HEATR4: variants seen among roughly 807,000 people sequenced by gnomAD.
The protein encoded by HEATR4 is HEAT repeat-containing protein 4.
HEATR4 carries 95 observed loss-of-function variants against 108.8 expected under a neutral mutation model. The ratio of observed to expected loss-of-function variants is 0.87; its 90% CI spans 0.74 to 1.04. The LOEUF (loss-of-function observed/expected upper bound fraction) is 1.04. Among genes scored for constraint, HEATR4 ranks in the 50% least tolerant of loss-of-function variants. HEATR4 has a pLI of 0.00. For missense variants in HEATR4, 1,152 were observed against 1,253.8 expected, an observed-to-expected ratio of 0.92 and a Z score of 1.23; for synonymous variants, 443 against 459.4, an observed-to-expected ratio of 0.96 and a Z score of 0.46.
the HEATR4 span, among the ~76,000 whole-genome samples, chr14:73,584,144 G>A: frequency 6.6e-6 from 1 of 151,866 alleles, no homozygotes; most frequent in Non-Finnish European, 1.5e-5. Context: ...AGAGCACAGA[G>A]CATGAGGGCA....
chr14:73,494,631 G>C (rs1467894487), intron 16 of HEATR4, among the ~76,000 whole-genome samples: 1 of 152,078 alleles, frequency 6.6e-6, no homozygotes, highest in Non-Finnish European at 1.5e-5. Flanking sequence ...GGTTACTGCA[G>C]CCTCAACCTC....
chr14:73,586,141 C>T, the HEATR4 span, among the ~76,000 whole-genome samples: 2 of 151,902 alleles, frequency 1.3e-5, no homozygotes, highest in Non-Finnish European at 2.9e-5. Flanking sequence ...GGCCTGTAAT[C>T]CCAGCACTTT....
the HEATR4 span, chr14:73,612,568 T>A: frequency 7.2e-7 from 1 of 1,383,994 alleles, no homozygotes; most frequent in Non-Finnish European, 9.4e-7. Context: ...CTACCCAGAT[T>A]GGGATGGCAG....
the HEATR4 span, among the ~76,000 whole-genome samples, chr14:73,596,846 G>T: frequency 6.6e-6 from 1 of 152,080 alleles, no homozygotes; most frequent in East Asian, 1.9e-4. Flanking sequence ...TGATCCACCT[G>T]CCTCGGTCTC....
chr14:73,606,374 C>CA, the HEATR4 span, among the ~76,000 whole-genome samples: 2 of 89,500 alleles, frequency 2.2e-5, no homozygotes, highest in African/African-American at 1.0e-4. Flanking sequence ...AACAAACAAA[C>CA]AAAACAAAAC....
Position 73,522,821 on chromosome 14 carries a change from G to T in HEATR4, c.332C>A (p.Ala111Asp), listed in dbSNP as rs375629269. ...GAAGCTAACAGGTTTCTGAGGCCGG[G>T]CCTTCCTGATCTGGGGAGTATGGAT... ...DIIHTPQIRK[A>D]RPQKPVSFKF... Residue 111 changes from alanine to aspartate, a missense_variant, in exon 3 of 18, where the codon GCC (alanine) becomes GAC (aspartate). Physicochemically the swap from Ala to Asp is moderately radical, Grantham distance 126. Transcript: ENST00000553558. 1 of 1,614,092 alleles carries T rather than the reference G, an allele frequency of 6.2e-7. No individual in the cohort carries two copies. The highest frequency in any genetic ancestry group is 1.7e-5 in the Admixed American group (1 of 60,004).
At chr14:73,568,254 G>C in the HEATR4 span, 2 of 151,848 alleles carry the variant, frequency 1.3e-5, no homozygotes, top group African/African-American at 4.8e-5. Context: ...GGTTTTGTGG[G>C]TTTGAAGCCT....
upstream of HEATR4, among the ~76,000 whole-genome samples, chr14:73,561,183 T>C (rs1407810006): frequency 6.7e-6 from 1 of 149,222 alleles, no homozygotes; most frequent in Non-Finnish European, 1.5e-5. Flanking sequence ...CTGGTCAACA[T>C]GGTGAAACTC....
At chr14:73,619,364 C>T in the HEATR4 span, 2 of 1,614,152 alleles carry the variant, frequency 1.2e-6, no homozygotes, top group South Asian at 1.1e-5. Context: ...ACAGTAGCTC[C>T]TCTACATTAC....
chr14:73,493,861 A>C (rs981961039), intron 16 of HEATR4, among the ~76,000 whole-genome samples: 1 of 152,208 alleles, frequency 6.6e-6, no homozygotes, highest in Non-Finnish European at 1.5e-5. Context: ...AAAACAAAAA[A>C]GAATCTTATC....
At position 73,558,854 on chromosome 14, in the gene HEATR4, T is replaced by C. The variant is rs1191693400; in HGVS notation, c.-255A>G. On this transcript the variant is annotated 5_prime_UTR_variant, in exon 1 of 18. Transcript: ENST00000553558. ...TTCAGATACTGGCAAAGGAGCAGTG[T>C]TTCAAAATTACTTTCCAAATGGCCT... is the stretch of plus-strand genomic sequence containing the variant. The C allele has an allele frequency of 1.3e-5, 2 of 151,034 alleles. No individual in the cohort carries two copies. The highest frequency in any genetic ancestry group is 3.0e-5 in the Non-Finnish European group (2 of 67,768). The allele number at this position is 151,034 out of a possible 1,614,324, so 9.4% of individuals were successfully genotyped here. A position where few individuals can be genotyped will look rare whatever the true frequency, so the allele number is the denominator to read the frequency against.
rs950521481 is a variant in HEATR4, at chr14:73,514,207, C to T, written c.1238G>A (p.Arg413His). The change falls in exon 6 of 18, where the codon CGC becomes CAC. Residue 413 changes from arginine (R) to histidine (H), a missense_variant. Coordinates refer to ENST00000553558, the MANE Select transcript of HEATR4 (RefSeq NM_001220484.1). The stretch of plus-strand genomic sequence containing the variant: ...GGCGGGGGTGGGCAAAGCAGTCCAG[C>T]GCAGGGCTCCTTGCACAGGTCTGTA... ...ASYRPVQGAL[R>H]WTALPTPAKD... 5.6e-6 allele frequency: 9 copies of T among 1,614,018 alleles called. No individual in the cohort carries two copies. Among genetic ancestry groups the T allele is most frequent in the Admixed American group, 3.3e-5 (2 of 59,984 alleles).
At chr14:73,480,660 A>G (rs573309702) in intron 17 of HEATR4, among the ~76,000 whole-genome samples, 1 of 152,314 alleles carries the variant, frequency 6.6e-6, no homozygotes, top group African/African-American at 2.4e-5. Flanking sequence ...GAAGCAACCA[A>G]GATGTCTTTC....
chr14:73,604,577 C>T, the HEATR4 span, among the ~76,000 whole-genome samples: 3,538 of 152,006 alleles, frequency 0.023, 69 homozygotes, highest in South Asian at 0.096. Context: ...CCTGCGCTTC[C>T]CAGATTCAAG....
At chr14:73,479,722 TC>T (rs1458304487) in intron 17 of HEATR4, among the ~76,000 whole-genome samples, 1 of 151,434 alleles carries the variant, frequency 6.6e-6, no homozygotes, top group Non-Finnish European at 1.5e-5. Context: ...GAGCCTCCGC[TC>T]CCGGCCACGC....
chr14:73,624,069 T>C, the HEATR4 span, among the ~76,000 whole-genome samples: 1 of 152,214 alleles, frequency 6.6e-6, no homozygotes, highest in Admixed American at 6.6e-5. Flanking sequence ...GGAGGATTGC[T>C]TGGGACCTGG....
the HEATR4 span, among the ~76,000 whole-genome samples, chr14:73,564,622 CAAAT>C: frequency 6.6e-5 from 10 of 150,674 alleles, no homozygotes; most frequent in South Asian, 2.1e-4. Context: ...AACAAACAAA[CAAAT>C]AAACAAATAC....
Position 73,546,775 on chromosome 14 carries a change from T to A in HEATR4, c.-152+11976A>T, listed in dbSNP as rs1480889123. Among the ~76,000 whole-genome samples the A allele has an allele frequency of 1.8e-5, 2 of 111,860 alleles. 1 individual carries two copies. Among genetic ancestry groups the A allele is most frequent in the Non-Finnish European group, 3.9e-5 (2 of 51,064 alleles). 73.4% of individuals were successfully genotyped at this position (111,860 alleles called of 152,430 possible). ...AAGTTCATTAAACTAACATGCTCCA[T>A]AATGATTCACTTATTTATTTGAAAA... On this transcript the variant is annotated intron_variant, in intron 1 of 17. Coordinates refer to ENST00000553558, the MANE Select transcript of HEATR4 (RefSeq NM_001220484.1).
the HEATR4 span, among the ~76,000 whole-genome samples, chr14:73,578,412 A>G: frequency 4.0e-5 from 6 of 151,618 alleles, no homozygotes; most frequent in Non-Finnish European, 8.8e-5. Flanking sequence ...GTATTTTTGC[A>G]GAGACAAGGT....
Sources: allele counts gnomAD v4.1 joint callset (sites outside exome capture counted in the v4.1 genomes callset), GRCh38; gene constraint gnomAD v4.1.1; transcripts MANE v1.5; gene names NCBI Gene and HGNC (gene_info 2026-07-23, HGNC 2026-07-21).